Variants in TRIM26 observed in about 807,000 individuals in gnomAD.
TRIM26 encodes tripartite motif-containing protein 26.
A neutral mutation model predicts 45.5 loss-of-function variants in TRIM26; 16 were observed. The observed-to-expected ratio is 0.35, with a 90% CI of 0.24 to 0.53. The LOEUF is 0.53. Among genes scored for constraint, TRIM26 ranks in the 20% least tolerant of loss-of-function variants. TRIM26 has a pLI of 0.92. For synonymous variants in TRIM26, 273 were observed against 290.4 expected (o/e 0.94, Z 0.61); for missense variants, 442 against 691.1 (o/e 0.64, Z 4.04).
chr6:30,193,929 T>C (rs186260982), intron 6 of TRIM26, among the ~76,000 whole-genome samples: 151 of 152,356 alleles, frequency 9.9e-4, no homozygotes, highest in African/African-American at 2.9e-3. Flanking sequence ...TTTTGTATCC[T>C]GCAACTTTAC....
chr6:30,204,571 A>G (rs1777525570), intron 2 of TRIM26, 85 bp downstream of exon 2: 3 of 152,002 alleles, frequency 2.0e-5, no homozygotes, highest in Non-Finnish European at 4.4e-5. Flanking sequence ...TGAGCAGACC[A>G]GAATAACCGC....
At chr6:30,206,332 T>C (rs1777721002) in intron 1 of TRIM26, among the ~76,000 whole-genome samples, 2 of 152,216 alleles carry the variant, frequency 1.3e-5, no homozygotes. Flanking sequence ...TGGTCACACT[T>C]GGCTTACTTT....
intron 1 of TRIM26, 55 bp downstream of exon 1, chr6:30,213,250 G>A (rs535975185): frequency 5.2e-5 from 8 of 152,394 alleles, no homozygotes; most frequent in Admixed American, 3.3e-4. Context: ...CCCAAACCCG[G>A]TGAGCGTACG....
Position 30,186,910 on chromosome 6 carries a change from C to A in TRIM26, c.938-352G>T. 1.6e-6 allele frequency: 1 copy of A among 625,268 alleles called. No homozygotes were observed. The highest frequency in any genetic ancestry group is 1.9e-5 in the African/African-American group (1 of 53,544). The allele number at this position is 625,268 out of a possible 1,614,324, so 38.7% of individuals were successfully genotyped here. A position where few individuals can be genotyped will look rare whatever the true frequency, so the allele number is the denominator to read the frequency against. On this transcript the variant is annotated intron_variant, in intron 9 of 9. Coordinates refer to ENST00000454678, the MANE Select transcript of TRIM26 (RefSeq NM_003449.5). The surrounding 1 kb of genome is among the most constrained non-coding windows in gnomAD (Gnocchi z 7.4). ...TCATCCAAGTGTGGATCACCAGTCCCTGAAAAATCTGTTCCATTTTCTTCA... is the reference window on the plus strand; with the variant it reads ...TCATCCAAGTGTGGATCACCAGTCCATGAAAAATCTGTTCCATTTTCTTCA...
intron 6 of TRIM26, among the ~76,000 whole-genome samples, chr6:30,193,182 A>ATATATT (rs9280916): frequency 9.0e-4 from 35 of 38,804 alleles, no homozygotes; most frequent in Non-Finnish European, 1.1e-3. Context: ...ATATATATAT[A>ATATATT]TTTTTTTTTT....
chr6:30,210,075 C>T (rs1439618626), intron 1 of TRIM26, among the ~76,000 whole-genome samples: 1 of 151,674 alleles, frequency 6.6e-6, no homozygotes, highest in African/African-American at 2.4e-5. Context: ...CATGGTGGCA[C>T]GCGCCTGTAG....
Position 30,189,968 on chromosome 6 carries a change from T to A in TRIM26, c.788+45A>T. 1.2e-6 allele frequency: 2 copies of A among 1,611,874 alleles called. No individual in the cohort carries two copies. The highest frequency in any genetic ancestry group is 1.7e-6 in the Non-Finnish European group (2 of 1,179,056). The stretch of plus-strand genomic sequence containing the variant: ...GCACCTGGTCAGAAGCGGGGGAACA[T>A]AAACAAGGGGGATGAGGTACGCCAT... On this transcript the variant is annotated intron_variant, in intron 7 of 9. Transcript: ENST00000454678. This position sits in a 1 kb window ranked among gnomAD's most constrained non-coding sequence, Gnocchi z 5.0.
intron 1 of TRIM26, among the ~76,000 whole-genome samples, chr6:30,205,243 A>C (rs1179708052): frequency 6.6e-6 from 1 of 152,116 alleles, no homozygotes; most frequent in Admixed American, 6.5e-5. Flanking sequence ...ACTCCATCTC[A>C]AAAAATAAAA....
chr6:30,185,048 A>G lies in TRIM26; in HGVS notation c.*828T>C, dbSNP rs1480859454. 6.6e-6 allele frequency: 1 copy of G among 152,246 alleles called. No homozygotes were observed. Among genetic ancestry groups the G allele is most frequent in the Non-Finnish European group, 1.5e-5 (1 of 68,088 alleles). 9.4% of individuals were successfully genotyped at this position (152,246 alleles called of 1,614,324 possible). ...CCCGAGGCAGGAGAGGTTCTGCTCC[A>G]CTGGATGTTTGTCTTGGTGTTTTTG... On this transcript the variant is annotated 3_prime_UTR_variant, in exon 10 of 10. Coordinates refer to ENST00000454678, the MANE Select transcript of TRIM26 (RefSeq NM_003449.5). The surrounding 1 kb of genome is among the most constrained non-coding windows in gnomAD (Gnocchi z 5.7).
Position 30,189,170 on chromosome 6 carries a change from T to C in TRIM26, c.934A>G (p.Thr312Ala). Reference sequence around the variant, plus strand: ...GAAACACCCTCTAGACACTCACCTGTCTTATATTCCAAGTCTCTCAGCAGC... The same window carrying C: ...GAAACACCCTCTAGACACTCACCTGCCTTATATTCCAAGTCTCTCAGCAGC... ...GKLLRDLEYK[T>A]VSVTLDPQSA... The change falls in exon 9 of 10, where the codon ACA becomes GCA. Residue 312 changes from threonine (T) to alanine (A), a missense_variant. Thr to Ala is a moderately conservative substitution (Grantham distance 58). Coordinates refer to ENST00000454678, the MANE Select transcript of TRIM26 (RefSeq NM_003449.5). This position sits in a 1 kb window ranked among gnomAD's most constrained non-coding sequence, Gnocchi z 5.0. 6.2e-7 allele frequency: 1 copy of C among 1,612,828 alleles called. No individual in the cohort carries two copies. Among genetic ancestry groups the C allele is most frequent in the Non-Finnish European group, 8.5e-7 (1 of 1,180,004 alleles).
intron 1 of TRIM26, among the ~76,000 whole-genome samples, chr6:30,208,931 T>TGTGG (rs1778004719): frequency 6.6e-6 from 1 of 151,662 alleles, no homozygotes; most frequent in Non-Finnish European, 1.5e-5. Flanking sequence ...TGTGTGTGTG[T>TGTGG]GTGTGTGTGT....
At chr6:30,191,525 C>T (rs1035077961) in intron 6 of TRIM26, among the ~76,000 whole-genome samples, 2 of 149,380 alleles carry the variant, frequency 1.3e-5, no homozygotes, top group Non-Finnish European at 3.0e-5. Flanking sequence ...GTGAGTGATA[C>T]GCACCACGGG....
In TRIM26 at chr6:30,198,064, A is replaced by C. The variant is rs1417514006; in HGVS notation, c.534+365T>G. On this transcript the variant is annotated intron_variant, in intron 5 of 9. Coordinates refer to ENST00000454678, the MANE Select transcript of TRIM26 (RefSeq NM_003449.5). The surrounding 1 kb of genome is among the most constrained non-coding windows in gnomAD (Gnocchi z 6.3). ...TCTAAACCCTCTCCACTCTCAGGCAACCTTGTCTCTCTCTCTCTCTTTGAA... is the reference window on the plus strand; with the variant it reads ...TCTAAACCCTCTCCACTCTCAGGCACCCTTGTCTCTCTCTCTCTCTTTGAA... Among the ~76,000 whole-genome samples, 3 of 152,080 alleles carry C rather than the reference A, an allele frequency of 2.0e-5. No individual in the cohort carries two copies. Among genetic ancestry groups the C allele is most frequent in the Non-Finnish European group, 4.4e-5 (3 of 68,006 alleles).
chr6:30,185,714 T>G lies in TRIM26; in HGVS notation c.*162A>C. ...CAGTAGATGGAGCAACAGCACTGAG[T>G]GAGATTTCAGGGGGCCACAGCAATG... On this transcript the variant is annotated 3_prime_UTR_variant, in exon 10 of 10. Transcript: ENST00000454678. The surrounding 1 kb of genome is among the most constrained non-coding windows in gnomAD (Gnocchi z 5.7). 6.5e-6 allele frequency: 5 copies of G among 764,060 alleles called. No individual in the cohort carries two copies. Among genetic ancestry groups the G allele is most frequent in the Non-Finnish European group, 1.0e-5 (5 of 478,526 alleles). The allele number at this position is 764,060 out of a possible 1,614,324, so 47.3% of individuals were successfully genotyped here.
chr6:30,198,448 G>A lies in TRIM26; in HGVS notation c.515C>T (p.Ala172Val). 1 of 1,613,100 alleles carries A rather than the reference G, an allele frequency of 6.2e-7. No individual in the cohort carries two copies. The highest frequency in any genetic ancestry group is 8.5e-7 in the Non-Finnish European group (1 of 1,180,036). The change falls in exon 5 of 10, where the codon GCT becomes GTT. Residue 172 changes from alanine to valine, a missense_variant. Transcript: ENST00000454678. The surrounding 1 kb of genome is among the most constrained non-coding windows in gnomAD (Gnocchi z 6.3). ...ACTTACCAGCGCGGCCAGGATATCA[G>A]CTTCTCCCTTTGCCTGGAAGCCCTG... ...KIQGFQAKGE[A>V]DILAALKKLQ...
Position 30,199,216 on chromosome 6 carries a change from C to G in TRIM26, c.-113G>C. ...AAAGGGGCAAAGGTGGCAGCCTGCA[C>G]AGGGCTGCCAGCTCCAGCACTCAGT... On this transcript the variant is annotated 5_prime_UTR_variant, in exon 4 of 10. Transcript: ENST00000454678. 1 of 994,016 alleles carries G rather than the reference C, an allele frequency of 1.0e-6. No individual in the cohort carries two copies. Among genetic ancestry groups the G allele is most frequent in the Non-Finnish European group, 1.4e-6 (1 of 693,824 alleles). The allele number at this position is 994,016 out of a possible 1,614,324, so 61.6% of individuals were successfully genotyped here. A position where few individuals can be genotyped will look rare whatever the true frequency, so the allele number is the denominator to read the frequency against.
In TRIM26 at chr6:30,186,155, C is replaced by T. The variant is rs755008942; in HGVS notation, c.1341G>A (p.Lys447=). 6.3e-6 allele frequency: 10 copies of T among 1,595,448 alleles called. No individual in the cohort carries two copies. Among genetic ancestry groups the T allele is most frequent in the Middle Eastern group, 3.3e-4 (2 of 6,070 alleles). Residue 447 remains lysine, a synonymous_variant, in exon 10 of 10, where the codon AAG becomes AAA. Coordinates refer to ENST00000454678, the MANE Select transcript of TRIM26 (RefSeq NM_003449.5). The surrounding 1 kb of genome is among the most constrained non-coding windows in gnomAD (Gnocchi z 7.4). ...GCCGCAGGGAGAGGTCTCCCTTCCTCTTCACAGAGTCTCTAGCCACCCCCA... is the reference window on the plus strand; with the variant it reads ...GCCGCAGGGAGAGGTCTCCCTTCCTTTTCACAGAGTCTCTAGCCACCCCCA... ...CMVGVARDSV[K]RKGDLSLRPE...
chr6:30,185,862 G>C lies in TRIM26; in HGVS notation c.*14C>G. On this transcript the variant is annotated 3_prime_UTR_variant, in exon 10 of 10. Coordinates refer to ENST00000454678, the MANE Select transcript of TRIM26 (RefSeq NM_003449.5). The surrounding 1 kb of genome is among the most constrained non-coding windows in gnomAD (Gnocchi z 5.7). ...AAGCATCTGAGGGTTGGGGCTGGGGGCAGATGTCAGGGCTCAGGGTCTTAG... is the reference window on the plus strand; with the variant it reads ...AAGCATCTGAGGGTTGGGGCTGGGGCCAGATGTCAGGGCTCAGGGTCTTAG... 6.2e-7 allele frequency: 1 copy of C among 1,601,056 alleles called. No individual in the cohort carries two copies. Among genetic ancestry groups the C allele is most frequent in the Non-Finnish European group, 8.5e-7 (1 of 1,172,576 alleles).
chr6:30,192,417 T>C (rs1775948524), intron 6 of TRIM26, among the ~76,000 whole-genome samples: 1 of 152,180 alleles, frequency 6.6e-6, no homozygotes, highest in Non-Finnish European at 1.5e-5. Context: ...GTCACCCCAA[T>C]CCCTTTAATG....
Sources: gnomAD v4.1 joint callset for allele counts (sites outside exome capture counted in the v4.1 genomes callset) on GRCh38, gnomAD v4.1.1 for gene constraint, Gnocchi (gnomAD v3.1) non-coding constraint, MANE v1.5 for transcripts, NCBI Gene and HGNC (gene_info 2026-07-23, HGNC 2026-07-21) for gene names.